The following MICAL3 variants were observed in gnomAD, a reference collection of about 807,000 sequenced individuals.
MICAL3 encodes microtubule associated monooxygenase, calponin and LIM domain containing 3.
Under a neutral mutation model 207.4 loss-of-function variants are expected in MICAL3, and 62 were observed. The ratio of observed to expected loss-of-function variants is 0.30; its 90% confidence interval spans 0.24 to 0.37. MICAL3 has a LOEUF of 0.37. Ranked by LOEUF, MICAL3 falls within the 10% of genes least tolerant of loss-of-function variation. The pLI is 1.00. For synonymous variants in MICAL3, 1,077 were observed against 1,069.3 expected, an observed-to-expected ratio of 1.01 and a Z score of -0.14; for missense variants, 2,368 against 2,635.6, an observed-to-expected ratio of 0.90 and a Z score of 2.22.
intron 1 of MICAL3, among the ~76,000 whole-genome samples, chr22:17,957,963 CG>C (rs987275074): frequency 1.3e-5 from 2 of 152,040 alleles, no homozygotes; most frequent in African/African-American, 2.4e-5. Flanking sequence ...GAGCTTTCCT[CG>C]TGGAGTTAGA....
intron 1 of MICAL3, among the ~76,000 whole-genome samples, chr22:17,985,049 A>C (rs1196913193): frequency 2.6e-5 from 4 of 152,228 alleles, no homozygotes; most frequent in Non-Finnish European, 5.9e-5. Context: ...ACACACTGAC[A>C]TTTTAAACTG....
intron 1 of MICAL3, among the ~76,000 whole-genome samples, chr22:18,023,235 TC>T (rs1924596660): frequency 6.6e-6 from 1 of 151,616 alleles, no homozygotes; most frequent in Non-Finnish European, 1.5e-5. Context: ...CCACCACTCC[TC>T]CCCACAAAAA....
At chr22:17,972,153 G>T (rs1217831111) in intron 1 of MICAL3, among the ~76,000 whole-genome samples, 3 of 152,154 alleles carry the variant, frequency 2.0e-5, no homozygotes, top group Non-Finnish European at 1.5e-5. Context: ...AATAAGCAAG[G>T]TACTGTTAAA....
intron 1 of MICAL3, among the ~76,000 whole-genome samples, chr22:18,002,044 A>G (rs984854798): frequency 1.3e-5 from 2 of 152,162 alleles, no homozygotes; most frequent in Non-Finnish European, 2.9e-5. Context: ...CTGAAAATAC[A>G]AAAATTAGCC....
At chr22:17,929,440 GTTAT>G (rs1933114720) in intron 1 of MICAL3, among the ~76,000 whole-genome samples, 1 of 151,678 alleles carries the variant, frequency 6.6e-6, no homozygotes, top group South Asian at 2.1e-4. Flanking sequence ...TGTAAGTTGG[GTTAT>G]TTAACTTCCA....
chr22:17,994,512 A>C (rs917695762), intron 1 of MICAL3, among the ~76,000 whole-genome samples: 9 of 152,340 alleles, frequency 5.9e-5, no homozygotes, highest in African/African-American at 2.2e-4. Flanking sequence ...CAGCAGTTCA[A>C]GACCAGACTG....
intron 13 of MICAL3, among the ~76,000 whole-genome samples, chr22:17,888,821 A>C (rs1223430137): frequency 1.3e-5 from 2 of 152,222 alleles, no homozygotes; most frequent in Non-Finnish European, 2.9e-5. Context: ...TTATAAATGC[A>C]GTGAGAAAGA....
chr22:17,948,068 G>C (rs540284676), intron 1 of MICAL3, among the ~76,000 whole-genome samples: 1 of 151,740 alleles, frequency 6.6e-6, no homozygotes, highest in African/African-American at 2.4e-5. Flanking sequence ...AGCAAGGCAC[G>C]AGAGCTTGAA....
chr22:17,844,070 T>C lies in MICAL3; in HGVS notation c.2606-2053A>G, dbSNP rs189382962. Among the ~76,000 whole-genome samples the C allele has an allele frequency of 5.2e-4, 79 of 152,244 alleles. No homozygotes were observed. The East Asian group carries it at 0.014, about 26-fold the overall frequency. On this transcript the variant is annotated intron_variant, in intron 19 of 31. Coordinates refer to ENST00000441493, the MANE Select transcript of MICAL3 (RefSeq NM_015241.3). ...ACCATGTTAGCCAGGATGGTCTCAA[T>C]CTCCTGACCTCGTGATCCGCCCGCC...
Position 17,895,355 on chromosome 22 carries a change from A to C in MICAL3, c.1378T>G (p.Phe460Val). 6.2e-7 allele frequency: 1 copy of C among 1,613,824 alleles called. No individual in the cohort carries two copies. The highest frequency in any genetic ancestry group is 8.5e-7 in the Non-Finnish European group (1 of 1,179,828). Residue 460 changes from phenylalanine (F) to valine (V), a missense_variant, in exon 10 of 32, where the codon TTC becomes GTC. Around this residue, in one of 4 missense-constraint regions of MICAL3, gnomAD observed 147 missense variants for 137.7 expected, o/e 1.07. Transcript: ENST00000441493. ...ACAGGGTCGATACTGTACTGGCTGA[A>C]GTTCTTACTCACATTCTCAGGGGTG... ...QTTPENVSKN[F>V]SQYSIDPVTR...
At chr22:17,905,670 G>A (rs1472854781) in intron 2 of MICAL3, among the ~76,000 whole-genome samples, 1 of 152,188 alleles carries the variant, frequency 6.6e-6, no homozygotes, top group Non-Finnish European at 1.5e-5. Context: ...ACATAACGTA[G>A]CCATGAAGTC....
chr22:17,860,688 G>C, intron 19 of MICAL3: 1 of 985,426 alleles, frequency 1.0e-6, no homozygotes, highest in Non-Finnish European at 1.2e-6. Flanking sequence ...GGCTCTCCGT[G>C]GTGTCCTGGC....
rs904905571 is a variant in MICAL3, at chr22:17,796,507, G to A, written c.5651-5206C>T. Among the ~76,000 whole-genome samples the A allele has an allele frequency of 3.9e-5, 6 of 152,208 alleles. No homozygotes were observed. The highest frequency in any genetic ancestry group is 5.9e-5 in the Non-Finnish European group (4 of 68,044). On this transcript the variant is annotated intron_variant, in intron 29 of 31. Coordinates refer to ENST00000441493, the MANE Select transcript of MICAL3 (RefSeq NM_015241.3). This position sits in a 1 kb window ranked among gnomAD's most constrained non-coding sequence, Gnocchi z 4.4. ...TCAAATGAGGGTTCTGAGGCTCAAC[G>A]GAGTTAAGTGTGGCAGAGCCTGGAA... is the stretch of plus-strand genomic sequence containing the variant.
chr22:17,989,913 T>C (rs549863576), intron 1 of MICAL3, among the ~76,000 whole-genome samples: 1 of 152,288 alleles, frequency 6.6e-6, no homozygotes, highest in African/African-American at 2.4e-5. Context: ...ATTTCATCCC[T>C]TTTCTTCCCC....
chr22:17,956,269 A>C (rs1450293717), intron 1 of MICAL3, among the ~76,000 whole-genome samples: 1 of 152,246 alleles, frequency 6.6e-6, no homozygotes, highest in Admixed American at 6.5e-5. Context: ...CACAACTTCC[A>C]AACAGACAGT....
In MICAL3 at chr22:17,842,003, C is replaced by T. The variant is rs1292034516; in HGVS notation, c.2620G>A (p.Gly874Ser). 5.6e-6 allele frequency: 9 copies of T among 1,602,638 alleles called. No homozygotes were observed. Among genetic ancestry groups the T allele is most frequent in the Middle Eastern group, 1.7e-4 (1 of 6,028 alleles). The stretch of plus-strand genomic sequence containing the variant: ...TTGGCGATGCTGGGCTCCTCCAGGC[C>T]GTTCACGCCTGAACCTGCGGGACAA... ...TERTPGSGVN[G>S]LEEPSIAKRL... Residue 874 changes from glycine to serine, a missense_variant, in exon 20 of 32, where the codon GGC (glycine) becomes AGC (serine). By Grantham distance (56) the Gly-to-Ser change is moderately conservative. Transcript: ENST00000441493.
Position 17,976,584 on chromosome 22 carries a change from TATA to T in MICAL3, c.-75+47694_-75+47696del, listed in dbSNP as rs1312357522. On this transcript the variant is annotated intron_variant, in intron 1 of 31. Coordinates refer to ENST00000441493, the MANE Select transcript of MICAL3 (RefSeq NM_015241.3). ...GTGTATATATATATATATATATATA[TATA>T]TATTTTTTTTTTTTTTTTTTGAGAC... Among the ~76,000 whole-genome samples, 95 of 87,564 alleles carry T rather than the reference TATA, an allele frequency of 1.1e-3. 1 individual carries two copies. Among genetic ancestry groups the T allele is most frequent in the African/African-American group, 2.4e-3 (44 of 18,186 alleles). The allele number at this position is 87,564 out of a possible 152,430, so 57.4% of individuals were successfully genotyped here. A position where few individuals can be genotyped will look rare whatever the true frequency, so the allele number is the denominator to read the frequency against.
At chr22:17,856,742 C>A in intron 19 of MICAL3, among the ~76,000 whole-genome samples, 1 of 151,846 alleles carries the variant, frequency 6.6e-6, no homozygotes, top group African/African-American at 2.4e-5. Context: ...CTGCCTCAGC[C>A]TCCCGAGTAG....
At chr22:18,018,627 C>T (rs1924226259) in intron 1 of MICAL3, among the ~76,000 whole-genome samples, 1 of 152,080 alleles carries the variant, frequency 6.6e-6, no homozygotes, top group Non-Finnish European at 1.5e-5. Context: ...GAGGCTGAGG[C>T]AGGAGAATCA....
Sources: gnomAD v4.1 joint callset for allele counts (sites outside exome capture counted in the v4.1 genomes callset) on GRCh38, gnomAD v4.1.1 for gene constraint, gnomAD v4.1.1 regional missense constraint, Gnocchi (gnomAD v3.1) non-coding constraint, MANE v1.5 for transcripts, NCBI Gene and HGNC (gene_info 2026-07-23, HGNC 2026-07-21) for gene names.